Variants in CACNA2D2 observed in about 807,000 individuals in gnomAD.
CACNA2D2 encodes the protein calcium voltage-gated channel auxiliary subunit alpha2delta 2, also known as voltage-dependent calcium channel subunit alpha-2/delta-2.
Under a neutral mutation model 166.4 loss-of-function variants are expected in CACNA2D2, and 48 were observed. The ratio of observed to expected loss-of-function variants is 0.29; its 90% confidence interval spans 0.23 to 0.37. The LOEUF is 0.37. Among genes scored for constraint, CACNA2D2 ranks in the 10% least tolerant of loss-of-function variants. The pLI is 1.00. For synonymous variants in CACNA2D2, 561 were observed against 573.7 expected (o/e 0.98, Z 0.32); for missense variants, 1,122 against 1,433.0 (o/e 0.78, Z 3.50).
In CACNA2D2 at chr3:50,366,744, G is replaced by A. The variant is rs1704317847; in HGVS notation, c.2589+87C>T. 4 of 1,549,588 alleles carry A rather than the reference G, an allele frequency of 2.6e-6. No individual in the cohort carries two copies. On this transcript the variant is annotated intron_variant, in intron 29 of 37. Coordinates refer to ENST00000424201, the MANE Select transcript of CACNA2D2 (RefSeq NM_006030.4). The surrounding 1 kb of genome is among the most constrained non-coding windows in gnomAD (Gnocchi z 5.9). ...TGGCCCTGCCTCCATGTAGGTGTTG[G>A]AGCCACTGAGTGGAGGGTTGGTGGG...
chr3:50,462,433 GATA>G (rs1210920646), intron 2 of CACNA2D2, among the ~76,000 whole-genome samples: 5 of 123,982 alleles, frequency 4.0e-5, no homozygotes, highest in East Asian at 2.2e-4. Context: ...TAATAATAAT[GATA>G]ATAATAATAA....
intron 3 of CACNA2D2, among the ~76,000 whole-genome samples, chr3:50,417,347 G>A (rs1012858273): frequency 7.9e-5 from 12 of 152,322 alleles, no homozygotes; most frequent in African/African-American, 2.9e-4. Flanking sequence ...CAACCCCCAT[G>A]AGCTGACAGA....
chr3:50,375,665 G>A lies in CACNA2D2; in HGVS notation c.1886C>T (p.Pro629Leu), dbSNP rs1376828247. 3 of 1,612,882 alleles carry A rather than the reference G, an allele frequency of 1.9e-6. No individual in the cohort carries two copies. Among genetic ancestry groups the A allele is most frequent in the African/African-American group, 1.3e-5 (1 of 74,866 alleles). ...DEVTRNYTWVPIRSTNYSLGL... is the reference protein window; with the variant it reads ...DEVTRNYTWVLIRSTNYSLGL... ...TTACCTGTAGTTAGTGCTCCTTATA[G>A]GCACCCAGGTGTAGTTCCGTGTCAC... The change falls in exon 21 of 38, where the codon CCT (proline) becomes CTT (leucine). Residue 629 changes from proline to leucine, a missense_variant. Pro to Leu is a moderately conservative substitution (Grantham distance 98, BLOSUM62 -3). Around this residue, in one of 2 missense-constraint regions of CACNA2D2, gnomAD observed 840 missense variants for 1,166.8 expected, o/e 0.72. Coordinates refer to ENST00000424201, the MANE Select transcript of CACNA2D2 (RefSeq NM_006030.4). The surrounding 1 kb of genome is among the most constrained non-coding windows in gnomAD (Gnocchi z 4.0).
At chr3:50,419,432 C>T (rs1575658621) in intron 3 of CACNA2D2, among the ~76,000 whole-genome samples, 1 of 152,130 alleles carries the variant, frequency 6.6e-6, no homozygotes, top group South Asian at 2.1e-4. Flanking sequence ...AGCTCTGAGT[C>T]GGGAATTCTA....
intron 1 of CACNA2D2, among the ~76,000 whole-genome samples, chr3:50,501,554 G>A (rs1250832601): frequency 6.6e-6 from 1 of 152,214 alleles, no homozygotes; most frequent in East Asian, 1.9e-4. Context: ...CTCTGGTCAG[G>A]TTCTCACATC....
intron 3 of CACNA2D2, among the ~76,000 whole-genome samples, chr3:50,399,202 C>T (rs952789312): frequency 2.2e-4 from 33 of 152,238 alleles, no homozygotes; most frequent in African/African-American, 7.0e-4. Flanking sequence ...TTGGCCTCCT[C>T]TCCTCACCAG....
chr3:50,488,503 G>A (rs1698385721), intron 1 of CACNA2D2, among the ~76,000 whole-genome samples: 1 of 151,880 alleles, frequency 6.6e-6, no homozygotes, highest in Non-Finnish European at 1.5e-5. Flanking sequence ...TTGACCCCAG[G>A]GTGAGGGCAG....
intron 3 of CACNA2D2, among the ~76,000 whole-genome samples, chr3:50,431,154 G>C (rs1017659029): frequency 2.6e-5 from 4 of 152,134 alleles, no homozygotes; most frequent in Middle Eastern, 3.2e-3. Flanking sequence ...ACAATGTAGT[G>C]GGGGGTGGGG....
chr3:50,456,997 C>T (rs914414414), intron 2 of CACNA2D2, among the ~76,000 whole-genome samples: 7 of 152,190 alleles, frequency 4.6e-5, no homozygotes, highest in African/African-American at 1.7e-4. Flanking sequence ...TGCCTATAAT[C>T]CCAGCACTTT....
At chr3:50,368,023 C>T (rs1704443943) in intron 24 of CACNA2D2, 115 bp downstream of exon 24, 1 of 1,161,036 alleles carries the variant, frequency 8.6e-7, no homozygotes, top group South Asian at 1.2e-5. Flanking sequence ...GGCCCAGGCC[C>T]AGCCCTTAGC....
chr3:50,498,927 C>G (rs1248817556), intron 1 of CACNA2D2, among the ~76,000 whole-genome samples: 1 of 152,212 alleles, frequency 6.6e-6, no homozygotes, highest in African/African-American at 2.4e-5. Context: ...TTAAGCAGGT[C>G]CCTTCATTTT....
intron 4 of CACNA2D2, among the ~76,000 whole-genome samples, chr3:50,390,636 C>A (rs1345855243): frequency 6.6e-6 from 1 of 152,154 alleles, no homozygotes; most frequent in Non-Finnish European, 1.5e-5. Flanking sequence ...GGGAGTCACC[C>A]ACTCTGAGCT....
At chr3:50,448,401 G>A (rs1429775088) in intron 2 of CACNA2D2, among the ~76,000 whole-genome samples, 2 of 152,156 alleles carry the variant, frequency 1.3e-5, no homozygotes, top group Non-Finnish European at 2.9e-5. Flanking sequence ...AAGCCAGTGT[G>A]TGCCTGAGTG....
intron 2 of CACNA2D2, among the ~76,000 whole-genome samples, chr3:50,453,134 C>T (rs1043659587): frequency 6.6e-6 from 1 of 152,160 alleles, no homozygotes; most frequent in Non-Finnish European, 1.5e-5. Context: ...ACACCAGCCT[C>T]TCCTCTCTTC....
intron 1 of CACNA2D2, among the ~76,000 whole-genome samples, chr3:50,501,322 C>T (rs1575794563): frequency 6.6e-6 from 1 of 152,286 alleles, no homozygotes; most frequent in East Asian, 1.9e-4. Flanking sequence ...CACAGCAAAC[C>T]CTCTGTGTTG....
chr3:50,364,637 G>C lies in CACNA2D2; in HGVS notation c.*29C>G. The C allele has an allele frequency of 6.7e-7, 1 of 1,488,444 alleles. No individual in the cohort carries two copies. The highest frequency in any genetic ancestry group is 8.9e-7 in the Non-Finnish European group (1 of 1,118,556). The allele number at this position is 1,488,444 out of a possible 1,614,324, so 92.2% of individuals were successfully genotyped here. Reference sequence around the variant, plus strand: ...GAAAGGCGAAGAGGCCGGGTGAGGTGGGAGTGGAGGTGGGGTGGGGCAGGG... The same window carrying C: ...GAAAGGCGAAGAGGCCGGGTGAGGTCGGAGTGGAGGTGGGGTGGGGCAGGG... On this transcript the variant is annotated 3_prime_UTR_variant, in exon 38 of 38. Coordinates refer to ENST00000424201, the MANE Select transcript of CACNA2D2 (RefSeq NM_006030.4).
intron 3 of CACNA2D2, among the ~76,000 whole-genome samples, chr3:50,408,071 C>T (rs1706809533): frequency 6.6e-6 from 1 of 152,148 alleles, no homozygotes; most frequent in African/African-American, 2.4e-5. Flanking sequence ...CCAAAAAGCC[C>T]CAAGAAGCCC....
intron 3 of CACNA2D2, among the ~76,000 whole-genome samples, chr3:50,410,937 C>T (rs1706983381): frequency 6.6e-6 from 1 of 152,242 alleles, no homozygotes; most frequent in Non-Finnish European, 1.5e-5. Context: ...AAAGCACATC[C>T]ATGCTGCCAA....
At chr3:50,476,737 T>C (rs1325276444) in intron 1 of CACNA2D2, among the ~76,000 whole-genome samples, 2 of 152,086 alleles carry the variant, frequency 1.3e-5, no homozygotes, top group East Asian at 3.9e-4. Flanking sequence ...GAGTTCCAGA[T>C]TAGGCAGCCC....
Sources: gnomAD v4.1 joint callset for allele counts (sites outside exome capture counted in the v4.1 genomes callset) on GRCh38, gnomAD v4.1.1 for gene constraint, gnomAD v4.1.1 regional missense constraint, Gnocchi (gnomAD v3.1) non-coding constraint, MANE v1.5 for transcripts, NCBI Gene and HGNC (gene_info 2026-07-23, HGNC 2026-07-21) for gene names.